Variants in MDGA2 observed in about 807,000 individuals in gnomAD.
MDGA2 encodes the protein MAM domain containing glycosylphosphatidylinositol anchor 2.
In MDGA2, 40 loss-of-function variants were observed where a neutral mutation model predicts 117.8. The ratio of observed to expected loss-of-function variants is 0.34; its 90% CI spans 0.26 to 0.44. The LOEUF is 0.44. MDGA2 is among the 20% of genes least tolerant of loss of function. The pLI, the probability that MDGA2 is intolerant of heterozygous loss-of-function variation, is 1.00. For missense variants in MDGA2, 1,123 were observed against 1,250.6 expected, an observed-to-expected ratio of 0.90 and a Z score of 1.54; for synonymous variants, 452 against 439.0, an observed-to-expected ratio of 1.03 and a Z score of -0.37.
At chr14:47,124,164 T>C (rs1009304496) in intron 5 of MDGA2, among the ~76,000 whole-genome samples, 4 of 152,044 alleles carry the variant, frequency 2.6e-5, no homozygotes, top group African/African-American at 7.2e-5. Context: ...AGTCCAATGT[T>C]TTTTCTTCCA....
intron 3 of MDGA2, among the ~76,000 whole-genome samples, chr14:47,188,314 TG>T (rs1168075271): frequency 6.6e-6 from 1 of 152,216 alleles, no homozygotes; most frequent in African/African-American, 2.4e-5. Context: ...GCTTCCTTCT[TG>T]GGTGTCCACT....
intron 9 of MDGA2, among the ~76,000 whole-genome samples, chr14:46,941,018 C>T (rs1333931547): frequency 6.6e-6 from 1 of 152,134 alleles, no homozygotes; most frequent in Non-Finnish European, 1.5e-5. Context: ...GGTTATTGAA[C>T]CTGCATCACT....
rs958505410 is a variant in MDGA2, at chr14:47,638,503, T to A, written c.280+36014A>T. Among the ~76,000 whole-genome samples, 3 of 152,116 alleles carry A rather than the reference T, an allele frequency of 2.0e-5. No homozygotes were observed. In the South Asian group the frequency reaches 6.2e-4, roughly 32 times the overall value. On this transcript the variant is annotated intron_variant, in intron 1 of 16. Transcript: ENST00000399232. The stretch of plus-strand genomic sequence containing the variant: ...TTAGGTAAGAAGTAGGAATTACAGA[T>A]CTCCCAAACAATTTCACCTTCATAT...
At chr14:46,978,293 T>C (rs182197339) in intron 8 of MDGA2, among the ~76,000 whole-genome samples, 2 of 152,044 alleles carry the variant, frequency 1.3e-5, no homozygotes, top group Admixed American at 6.6e-5. Flanking sequence ...ATTTAGAAAA[T>C]GTTTTAATAC....
In MDGA2 at chr14:47,236,375, A is replaced by T. The variant is rs2139589954; in HGVS notation, c.421-18180T>A. On this transcript the variant is annotated intron_variant, in intron 2 of 16. Transcript: ENST00000399232. ...ACTTTTCCAAGACCAAAGCTGAAGGATACACTTAAGCCTAGTAGGAAATGT... is the reference window on the plus strand; with the variant it reads ...ACTTTTCCAAGACCAAAGCTGAAGGTTACACTTAAGCCTAGTAGGAAATGT... 1.3e-5 allele frequency among the ~76,000 whole-genome samples: 2 copies of T among 151,980 alleles called. 1 individual carries two copies. Among genetic ancestry groups the T allele is most frequent in the Middle Eastern group, 6.8e-3 (2 of 292 alleles).
chr14:46,848,506 A>G (rs1880931669), intron 15 of MDGA2, among the ~76,000 whole-genome samples: 2 of 151,972 alleles, frequency 1.3e-5, no homozygotes, highest in South Asian at 4.1e-4. Context: ...CCATTACTTC[A>G]AAGCATTTCA....
At chr14:47,316,187 T>C (rs1024182180) in intron 1 of MDGA2, among the ~76,000 whole-genome samples, 1 of 152,130 alleles carries the variant, frequency 6.6e-6, no homozygotes, top group African/African-American at 2.4e-5. Flanking sequence ...CCATACTTTC[T>C]GGCTCATGGC....
At chr14:47,514,757 G>A (rs1378117222) in intron 1 of MDGA2, among the ~76,000 whole-genome samples, 2 of 152,038 alleles carry the variant, frequency 1.3e-5, no homozygotes, top group Non-Finnish European at 2.9e-5. Flanking sequence ...CCAATGATTA[G>A]CAAAAGACAA....
At chr14:47,647,915 C>T (rs1454720350) in intron 1 of MDGA2, among the ~76,000 whole-genome samples, 2 of 152,020 alleles carry the variant, frequency 1.3e-5, no homozygotes, top group Non-Finnish European at 2.9e-5. Context: ...ATCCCAAATA[C>T]ACTGATTTGA....
intron 10 of MDGA2, among the ~76,000 whole-genome samples, chr14:46,919,600 C>T (rs117753637): frequency 0.034 from 5,104 of 152,254 alleles, 107 homozygotes; most frequent in Non-Finnish European, 0.045. Context: ...TCTTGAACCC[C>T]TAAAGCAAAA....
chr14:47,227,576 T>G (rs1359125297), intron 2 of MDGA2, among the ~76,000 whole-genome samples: 1 of 152,056 alleles, frequency 6.6e-6, no homozygotes, highest in Non-Finnish European at 1.5e-5. Context: ...CCTTAACCAA[T>G]GGTAAGTTCA....
chr14:47,508,044 T>C (rs1005636666), intron 1 of MDGA2, among the ~76,000 whole-genome samples: 8 of 152,262 alleles, frequency 5.3e-5, no homozygotes, highest in African/African-American at 1.9e-4. Flanking sequence ...TATTTTTGAA[T>C]GGCTCTATTT....
intron 3 of MDGA2, among the ~76,000 whole-genome samples, chr14:47,199,043 C>T (rs1450731185): frequency 1.3e-5 from 2 of 152,086 alleles, no homozygotes; most frequent in East Asian, 1.9e-4. Flanking sequence ...TTCCATCCTG[C>T]TGCTTTGTGA....
chr14:47,458,152 G>GT (rs1893400782), intron 1 of MDGA2, among the ~76,000 whole-genome samples: 2 of 151,928 alleles, frequency 1.3e-5, no homozygotes, highest in African/African-American at 2.4e-5. Flanking sequence ...TGTTGCTACT[G>GT]AGTTACACGT....
At chr14:46,903,615 C>A (rs1484388274) in intron 10 of MDGA2, among the ~76,000 whole-genome samples, 2 of 152,026 alleles carry the variant, frequency 1.3e-5, no homozygotes, top group East Asian at 3.9e-4. Context: ...AATTATTATA[C>A]CTCTATTTAT....
intron 6 of MDGA2, among the ~76,000 whole-genome samples, chr14:47,095,618 C>G (rs1037198186): frequency 6.6e-6 from 1 of 151,506 alleles, no homozygotes; most frequent in African/African-American, 2.4e-5. Context: ...ATAAAATAAT[C>G]ATACATGTTA....
intron 2 of MDGA2, among the ~76,000 whole-genome samples, chr14:47,285,953 T>G (rs556595761): frequency 6.6e-6 from 1 of 152,224 alleles, no homozygotes; most frequent in African/African-American, 2.4e-5. Flanking sequence ...ATAATGCCTG[T>G]CATATTCACT....
chr14:47,200,679 T>C (rs576455859), intron 3 of MDGA2: 33 of 1,054,348 alleles, frequency 3.1e-5, no homozygotes, highest in Non-Finnish European at 4.6e-5. Flanking sequence ...TGTTTCTTCT[T>C]CCAGTACTGG....
At chr14:46,953,272 G>A (rs1366214830) in intron 9 of MDGA2, among the ~76,000 whole-genome samples, 1 of 150,310 alleles carries the variant, frequency 6.7e-6, no homozygotes, top group Non-Finnish European at 1.5e-5. Context: ...ATAATTTATG[G>A]TTATGCAATA....
Sources: gnomAD v4.1 joint callset for allele counts (sites outside exome capture counted in the v4.1 genomes callset) on GRCh38, gnomAD v4.1.1 for gene constraint, MANE v1.5 for transcripts, NCBI Gene and HGNC (gene_info 2026-07-23, HGNC 2026-07-21) for gene names.